The following WBP2NL variants were observed in gnomAD, a reference collection of about 807,000 sequenced individuals.
WBP2NL encodes WBP2 N-terminal like, also known as postacrosomal sheath WW domain-binding protein.
A neutral mutation model predicts 23.3 loss-of-function variants in WBP2NL; 27 were observed. That is an observed-to-expected ratio of 1.16 (90% CI 0.85 to 1.60). WBP2NL has a LOEUF of 1.60. Ranked by LOEUF, WBP2NL falls within the 40% of genes most tolerant of loss-of-function variation. WBP2NL has a pLI of 0.00. For missense variants in WBP2NL, 370 were observed against 389.5 expected, an observed-to-expected ratio of 0.95 and a Z score of 0.42; for synonymous variants, 151 against 145.9, an observed-to-expected ratio of 1.03 and a Z score of -0.25.
chr22:42,057,970 A>G (rs1926151011), intron 8 of WBP2NL, among the ~76,000 whole-genome samples: 1 of 112,250 alleles, frequency 8.9e-6, no homozygotes, highest in Non-Finnish European at 1.7e-5. Flanking sequence ...AGGCTGGAGT[A>G]TGGTGGTGCC....
At chr22:42,015,637 A>G (rs1923238162) in intron 1 of WBP2NL, among the ~76,000 whole-genome samples, 1 of 152,072 alleles carries the variant, frequency 6.6e-6, no homozygotes, top group African/African-American at 2.4e-5. Context: ...TCCTGACCTC[A>G]GGTGATCTGC....
At chr22:42,024,485 A>G (rs1010477494) in intron 5 of WBP2NL, among the ~76,000 whole-genome samples, 3 of 151,704 alleles carry the variant, frequency 2.0e-5, no homozygotes, top group Non-Finnish European at 4.4e-5. Flanking sequence ...CATCCTCAGC[A>G]ACACTTATCT....
intron 3 of WBP2NL, 92 bp downstream of exon 3, chr22:42,019,895 CA>C: frequency 6.3e-7 from 1 of 1,595,076 alleles, no homozygotes; most frequent in South Asian, 1.1e-5. Flanking sequence ...GAAATTCAAA[CA>C]AAAGCTGCCC....
chr22:42,001,309 A>G (rs557959682), intron 1 of WBP2NL: 6 of 693,484 alleles, frequency 8.7e-6, no homozygotes, highest in Non-Finnish European at 1.6e-5. Flanking sequence ...CGGCAGTGAC[A>G]GTCTGTGCAT....
rs1569455098 is a variant in WBP2NL at position 42,049,694 on chromosome 22, ACAAAACAAAAC to A, written c.*274-8595_*274-8585del. 8.2e-3 allele frequency among the ~76,000 whole-genome samples: 481 copies of A among 58,612 alleles called. 25 individuals carry two copies. The highest frequency in any genetic ancestry group is 0.06 in the African/African-American group (448 of 7,452). 38.5% of individuals were successfully genotyped at this position (58,612 alleles called of 152,430 possible). ...GACAGAGCGAGACTCCGTCTCCAAA[ACAAAACAAAAC>A]AAAAAAAAAAAAAAAAAAAAAAAAA... On this transcript the variant is annotated intron_variant and NMD_transcript_variant, in intron 8 of 8. Transcript: ENST00000436265.
chr22:42,019,147 G>T (rs774022471), intron 1 of WBP2NL, among the ~76,000 whole-genome samples, 164 bp from the exon 2 acceptor site: 42 of 152,108 alleles, frequency 2.8e-4, no homozygotes, highest in Non-Finnish European at 4.7e-4. Context: ...TGTGAACCCG[G>T]GAGGCGGAGC....
chr22:42,015,720 A>G (rs933063442), intron 1 of WBP2NL, among the ~76,000 whole-genome samples: 7 of 152,014 alleles, frequency 4.6e-5, no homozygotes, highest in African/African-American at 1.7e-4. Context: ...ATCACTTCTA[A>G]TTGTCAATCA....
At chr22:42,017,543 A>G (rs1448770683) in intron 1 of WBP2NL, among the ~76,000 whole-genome samples, 1 of 152,218 alleles carries the variant, frequency 6.6e-6, no homozygotes, top group African/African-American at 2.4e-5. Context: ...TGTATGACAT[A>G]CATTTATATT....
chr22:42,052,480 A>G (rs1333421637), intron 8 of WBP2NL, among the ~76,000 whole-genome samples: 2 of 151,968 alleles, frequency 1.3e-5, no homozygotes, highest in East Asian at 1.9e-4. Context: ...GGGTTTCACT[A>G]TGTTGGCCAG....
At chr22:42,008,624 A>G (rs1019514345) in intron 1 of WBP2NL, among the ~76,000 whole-genome samples, 9 of 151,984 alleles carry the variant, frequency 5.9e-5, no homozygotes, top group Non-Finnish European at 8.8e-5. Flanking sequence ...CTCATTGGCC[A>G]TTTGTGTATT....
chr22:42,048,415 A>G (rs1190896529), intron 8 of WBP2NL, among the ~76,000 whole-genome samples: 1 of 151,650 alleles, frequency 6.6e-6, no homozygotes, highest in Non-Finnish European at 1.5e-5. Context: ...AAATATATCA[A>G]TAGATACAGA....
chr22:42,001,553 GTA>G (rs1921686397), intron 1 of WBP2NL: 1 of 1,133,202 alleles, frequency 8.8e-7, no homozygotes, highest in Non-Finnish European at 1.3e-6. Context: ...TGCTACACGA[GTA>G]TGGGCAAAAT....
chr22:41,999,019 T>G, intron 1 of WBP2NL, 139 bp downstream of exon 1: 19 of 799,556 alleles, frequency 2.4e-5, no homozygotes, highest in South Asian at 7.4e-5. Flanking sequence ...CCCCGACCTT[T>G]GGGAGCGCGC....
At chr22:42,052,439 C>G (rs939945772) in intron 8 of WBP2NL, among the ~76,000 whole-genome samples, 10 of 152,000 alleles carry the variant, frequency 6.6e-5, no homozygotes, top group African/African-American at 2.4e-4. Context: ...CCACCATGCC[C>G]AGCTAATTTT....
At chr22:42,056,781 C>T (rs74854653) in intron 8 of WBP2NL, among the ~76,000 whole-genome samples, 3,517 of 152,118 alleles carry the variant, frequency 0.023, 133 homozygotes, top group African/African-American at 0.081. Flanking sequence ...ACAGGCATTG[C>T]ATTCCTGTAA....
intron 8 of WBP2NL, among the ~76,000 whole-genome samples, chr22:42,052,453 T>G (rs1295583344): frequency 6.6e-6 from 1 of 152,052 alleles, no homozygotes; most frequent in Non-Finnish European, 1.5e-5. Context: ...TAATTTTTTG[T>G]ATTTTTAGTA....
chr22:42,004,193 A>C (rs1921987270), intron 1 of WBP2NL, among the ~76,000 whole-genome samples: 1 of 152,176 alleles, frequency 6.6e-6, no homozygotes, highest in Non-Finnish European at 1.5e-5. Context: ...AATTGTGGGA[A>C]CCCAGGAGGT....
In WBP2NL at chr22:42,027,900, AG is replaced by A. The variant is rs1255404076; in HGVS notation, c.*721del. ...AGAAATATGAATTGCCGAATAACCAAGGCAATAGCATGGCCAGAAAACGTTT... is the reference window on the plus strand; with the variant it reads ...AGAAATATGAATTGCCGAATAACCAAGCAATAGCATGGCCAGAAAACGTTT... On this transcript the variant is annotated 3_prime_UTR_variant, in exon 6 of 6. Coordinates refer to ENST00000328823, the MANE Select transcript of WBP2NL (RefSeq NM_152613.3). 5.0e-6 allele frequency: 2 copies of A among 398,334 alleles called. No individual in the cohort carries two copies. The highest frequency in any genetic ancestry group is 7.1e-5 in the East Asian group (2 of 28,044). The allele number at this position is 398,334 out of a possible 1,614,324, so 24.7% of individuals were successfully genotyped here. A position where few individuals can be genotyped will look rare whatever the true frequency, so the allele number is the denominator to read the frequency against.
In WBP2NL at chr22:42,028,158, G is replaced by A. The variant is rs1290502824; in HGVS notation, c.*977G>A. The A allele has an allele frequency of 5.0e-6, 2 of 398,120 alleles. No homozygotes were observed. The highest frequency in any genetic ancestry group is 8.9e-6 in the Non-Finnish European group (2 of 225,934). 24.7% of individuals were successfully genotyped at this position (398,120 alleles called of 1,614,324 possible). A position where few individuals can be genotyped will look rare whatever the true frequency, so the allele number is the denominator to read the frequency against. ...AAATAACCTATATGTCCATTAATAG[G>A]AAATATATGAATAGGCTATGGTATG... On this transcript the variant is annotated 3_prime_UTR_variant, in exon 6 of 6. Transcript: ENST00000328823.
Sources: allele counts gnomAD v4.1 joint callset (sites outside exome capture counted in the v4.1 genomes callset), GRCh38; gene constraint gnomAD v4.1.1; transcripts MANE v1.5; gene names NCBI Gene and HGNC (gene_info 2026-07-23, HGNC 2026-07-21).